Variants in BMAL1 observed in about 807,000 individuals in gnomAD.
BMAL1 encodes the protein basic helix-loop-helix ARNT like 1, also known as basic helix-loop-helix ARNT-like protein 1.
At chr11:13,371,637 G>A in the BMAL1 span, among the ~76,000 whole-genome samples, 4 of 152,114 alleles carry the variant, frequency 2.6e-5, no homozygotes, top group Non-Finnish European at 5.9e-5. Context: ...TCCATTTCCT[G>A]CCTTAAAAAG....
At chr11:13,281,523 TC>T in the BMAL1 span, among the ~76,000 whole-genome samples, 2 of 152,036 alleles carry the variant, frequency 1.3e-5, no homozygotes, top group African/African-American at 2.4e-5. Context: ...TTGCAGTATT[TC>T]TTTTATTTTT....
At chr11:13,319,766 A>G in the BMAL1 span, among the ~76,000 whole-genome samples, 3 of 152,302 alleles carry the variant, frequency 2.0e-5, no homozygotes, top group Non-Finnish European at 4.4e-5. Context: ...TTCCTTTTCC[A>G]CAGCTCTGCC....
the BMAL1 span, among the ~76,000 whole-genome samples, chr11:13,280,683 A>G: frequency 6.6e-6 from 1 of 152,202 alleles, no homozygotes; most frequent in African/African-American, 2.4e-5. Context: ...CCTTCTCCAC[A>G]GTCTTTTTTC....
chr11:13,308,819 C>T, the BMAL1 span, among the ~76,000 whole-genome samples: 1 of 152,144 alleles, frequency 6.6e-6, no homozygotes, highest in African/African-American at 2.4e-5. Flanking sequence ...AACAGTGCTT[C>T]TGGCTTTTGT....
At chr11:13,355,423 C>A in the BMAL1 span, 1 of 944,770 alleles carries the variant, frequency 1.1e-6, no homozygotes, top group Non-Finnish European at 1.7e-6. Flanking sequence ...TGGCCACAAA[C>A]CCTTTGTCTT....
At chr11:13,327,111 C>T in the BMAL1 span, among the ~76,000 whole-genome samples, 5 of 151,874 alleles carry the variant, frequency 3.3e-5, no homozygotes, top group South Asian at 2.1e-4. Flanking sequence ...TGAGCCACTG[C>T]GCCCAGCCCA....
the BMAL1 span, among the ~76,000 whole-genome samples, chr11:13,286,371 G>A: frequency 6.6e-6 from 1 of 152,228 alleles, no homozygotes; most frequent in African/African-American, 2.4e-5. Flanking sequence ...AGTGCAGAGA[G>A]TGGGGAAAAC....
At chr11:13,300,559 TA>T in the BMAL1 span, among the ~76,000 whole-genome samples, 1 of 152,212 alleles carries the variant, frequency 6.6e-6, no homozygotes, top group Non-Finnish European at 1.5e-5. Flanking sequence ...GGGGAGCCAA[TA>T]AATCCTTGGA....
the BMAL1 span, among the ~76,000 whole-genome samples, chr11:13,299,623 T>C: frequency 3.3e-5 from 5 of 152,032 alleles, no homozygotes; most frequent in Non-Finnish European, 5.9e-5. Flanking sequence ...GAGAGGGCCC[T>C]GGGAGAGAAG....
the BMAL1 span, chr11:13,354,740 C>T: frequency 4.4e-5 from 15 of 337,934 alleles, no homozygotes; most frequent in African/African-American, 1.1e-4. Context: ...CCCCTTTCTT[C>T]GTCTTCTTTC....
the BMAL1 span, among the ~76,000 whole-genome samples, chr11:13,334,688 G>T: frequency 6.6e-6 from 1 of 152,210 alleles, no homozygotes; most frequent in African/African-American, 2.4e-5. Context: ...CAGTCTCAGA[G>T]AACAACTCCA....
At chr11:13,378,270 C>A in the BMAL1 span, 2 of 1,489,670 alleles carry the variant, frequency 1.3e-6, no homozygotes, top group Non-Finnish European at 1.8e-6. Context: ...ACTGGTTTTA[C>A]TTTAATACAT....
the BMAL1 span, among the ~76,000 whole-genome samples, chr11:13,302,499 T>C: frequency 1.7e-4 from 26 of 152,228 alleles, no homozygotes; most frequent in Non-Finnish European, 3.4e-4. Flanking sequence ...CTGTTTGCTA[T>C]GCTGAGGCAC....
the BMAL1 span, among the ~76,000 whole-genome samples, chr11:13,305,771 G>T: frequency 9.9e-5 from 15 of 152,142 alleles, no homozygotes; most frequent in Admixed American, 2.6e-4. Context: ...TGGCATGGTT[G>T]TGAGTAGGAC....
chr11:13,354,956 T>C, the BMAL1 span: 39 of 285,304 alleles, frequency 1.4e-4, no homozygotes, highest in African/African-American at 6.5e-4. Context: ...AGTATGAACT[T>C]GTTATATTAA....
chr11:13,375,098 C>CAA, the BMAL1 span, among the ~76,000 whole-genome samples: 2 of 152,200 alleles, frequency 1.3e-5, no homozygotes, highest in African/African-American at 4.8e-5. Flanking sequence ...CCTCACTACT[C>CAA]TTCTTGAGGG....
At chr11:13,310,478 G>A in the BMAL1 span, among the ~76,000 whole-genome samples, 2 of 152,156 alleles carry the variant, frequency 1.3e-5, no homozygotes. Context: ...AAGGAGTCAC[G>A]GGCAAGAACT....
the BMAL1 span, chr11:13,379,228 G>A: frequency 2.0e-5 from 3 of 152,224 alleles, no homozygotes; most frequent in Non-Finnish European, 4.4e-5. Flanking sequence ...GCAGTCGAGA[G>A]GGAAGCAGTT....
At chr11:13,350,430 T>C in the BMAL1 span, among the ~76,000 whole-genome samples, 2 of 152,132 alleles carry the variant, frequency 1.3e-5, no homozygotes, top group Non-Finnish European at 2.9e-5. Context: ...GAAGGATAAA[T>C]CAGAGAGAAT....
Sources: allele counts gnomAD v4.1 joint callset (sites outside exome capture counted in the v4.1 genomes callset), GRCh38; gene constraint gnomAD v4.1.1; transcripts MANE v1.5; gene names NCBI Gene and HGNC (gene_info 2026-07-23, HGNC 2026-07-21).